The following PLCL2 variants were observed in gnomAD, a reference collection of about 807,000 sequenced individuals.
PLCL2 encodes the protein inactive phospholipase C-like protein 2.
Under a neutral mutation model 79.6 loss-of-function variants are expected in PLCL2, and 4 were observed. The ratio of observed to expected loss-of-function variants is 0.05; its 90% CI spans 0.02 to 0.11. PLCL2 has a LOEUF of 0.11. PLCL2 is among the 10% of genes least tolerant of loss of function. The pLI is 1.00. For missense variants in PLCL2, 895 were observed against 1,291.0 expected (o/e 0.69, Z 4.70); for synonymous variants, 484 against 457.7 (o/e 1.06, Z -0.73).
intron 1 of PLCL2, among the ~76,000 whole-genome samples, chr3:16,998,800 C>T (rs2064179176): frequency 6.6e-6 from 1 of 152,140 alleles, no homozygotes; most frequent in Non-Finnish European, 1.5e-5. Context: ...TAGAGATACC[C>T]TTGTTTTAAA....
chr3:16,955,429 A>G (rs1032827552), intron 1 of PLCL2, among the ~76,000 whole-genome samples: 5 of 151,986 alleles, frequency 3.3e-5, no homozygotes, highest in African/African-American at 4.8e-5. Context: ...TGGTTACTGT[A>G]GCCTTATAGT....
chr3:16,916,288 T>G (rs940208345), intron 1 of PLCL2, among the ~76,000 whole-genome samples: 5 of 152,202 alleles, frequency 3.3e-5, no homozygotes, highest in African/African-American at 1.2e-4. Context: ...TCACTTATTT[T>G]GTTTAAAAAA....
At chr3:17,069,396 A>G (rs1169397177) in intron 5 of PLCL2, among the ~76,000 whole-genome samples, 6 of 152,148 alleles carry the variant, frequency 3.9e-5, no homozygotes, top group African/African-American at 1.4e-4. Context: ...TCTCTGGTTA[A>G]TGAAATTTCA....
chr3:17,073,726 G>T (rs2124947848), intron 5 of PLCL2, among the ~76,000 whole-genome samples: 1 of 152,294 alleles, frequency 6.6e-6, no homozygotes, highest in African/African-American at 2.4e-5. Context: ...AATGTTCACA[G>T]CATCTTCACC....
intron 1 of PLCL2, among the ~76,000 whole-genome samples, chr3:16,985,806 G>C (rs2064044047): frequency 6.6e-6 from 1 of 152,158 alleles, no homozygotes; most frequent in African/African-American, 2.4e-5. Flanking sequence ...GCATGGGATA[G>C]TGCACAGTTG....
intron 1 of PLCL2, among the ~76,000 whole-genome samples, chr3:17,007,694 G>T (rs1032834709): frequency 6.6e-6 from 1 of 152,162 alleles, no homozygotes; most frequent in Non-Finnish European, 1.5e-5. Context: ...AGTAAAAGTG[G>T]TTTTAAATTT....
intron 1 of PLCL2, among the ~76,000 whole-genome samples, chr3:16,916,419 T>C (rs1575527148): frequency 6.6e-6 from 1 of 152,106 alleles, no homozygotes; most frequent in East Asian, 1.9e-4. Context: ...AATAAGAAAA[T>C]GGCCCATAGC....
At chr3:16,959,636 G>T (rs780143265) in intron 1 of PLCL2, among the ~76,000 whole-genome samples, 1 of 152,100 alleles carries the variant, frequency 6.6e-6, no homozygotes, top group South Asian at 2.1e-4. Flanking sequence ...GTTCCCCCTT[G>T]GAGAGTTCTC....
Position 17,090,448 on chromosome 3 carries a change from A to G in PLCL2, c.*536A>G, listed in dbSNP as rs1168964166. On this transcript the variant is annotated 3_prime_UTR_variant, in exon 6 of 6. Coordinates refer to ENST00000615277, the MANE Select transcript of PLCL2 (RefSeq NM_001144382.2). Reference sequence around the variant, plus strand: ...GGAGAGCCATCGAGGAGAATGTGCAATTGGACTGAAGCTCCCTGGCTGAAG... The same window carrying G: ...GGAGAGCCATCGAGGAGAATGTGCAGTTGGACTGAAGCTCCCTGGCTGAAG... The G allele has an allele frequency of 1.2e-5, 2 of 165,956 alleles. No individual in the cohort carries two copies. Among genetic ancestry groups the G allele is most frequent in the Non-Finnish European group, 2.5e-5 (2 of 80,262 alleles). 10.3% of individuals were successfully genotyped at this position (165,956 alleles called of 1,614,324 possible). A position where few individuals can be genotyped will look rare whatever the true frequency, so the allele number is the denominator to read the frequency against.
chr3:17,089,846 T>C lies in PLCL2; in HGVS notation c.3318T>C (p.Asp1106=). ...ATAAACCAGGCACCGAAAATGCTGA[T>C]GTCCAGAAGCCACGCCGGAGCTTGG... ...GLNKPGTENA[D]VQKPRRSLEV... The change falls in exon 6 of 6, where the codon GAT becomes GAC. Residue 1106 remains aspartate (D), a synonymous_variant. Transcript: ENST00000615277. 2.5e-6 allele frequency: 4 copies of C among 1,614,124 alleles called. No individual in the cohort carries two copies. Among genetic ancestry groups the C allele is most frequent in the Middle Eastern group, 1.6e-4 (1 of 6,062 alleles).
In PLCL2 at chr3:16,953,617, AT is replaced by A. The variant is rs2063672604; in HGVS notation, c.328-56054del. Among the ~76,000 whole-genome samples, 4 of 152,280 alleles carry A rather than the reference AT, an allele frequency of 2.6e-5. No individual in the cohort carries two copies. In the South Asian group the frequency reaches 8.3e-4, roughly 32 times the overall value. ...GAAGTCAAATGGTTGGAATTTAGTC[AT>A]TTCTGACTTCAGTGAACTAATGCTG... On this transcript the variant is annotated intron_variant, in intron 1 of 5. Coordinates refer to ENST00000615277, the MANE Select transcript of PLCL2 (RefSeq NM_001144382.2).
chr3:16,918,705 G>A (rs1321910560), intron 1 of PLCL2, among the ~76,000 whole-genome samples: 1 of 152,168 alleles, frequency 6.6e-6, no homozygotes, highest in Non-Finnish European at 1.5e-5. Flanking sequence ...CCAGTATAAT[G>A]ACCTGGGCAA....
chr3:17,023,798 A>G (rs57315057), intron 3 of PLCL2, among the ~76,000 whole-genome samples: 1 of 152,186 alleles, frequency 6.6e-6, no homozygotes, highest in Non-Finnish European at 1.5e-5. Context: ...TTTAAAACTG[A>G]CAAATGTCTC....
At chr3:16,902,881 T>TGTGTGTGTGTGTGCGC (rs1272936432) in intron 1 of PLCL2, among the ~76,000 whole-genome samples, 8 of 133,900 alleles carry the variant, frequency 6.0e-5, no homozygotes, top group South Asian at 2.5e-4. Flanking sequence ...TGTGTGTGTG[T>TGTGTGTGTGTGTGCGC]GNGCGCATGT....
chr3:17,049,617 TAAA>T (rs2124927176), intron 4 of PLCL2, among the ~76,000 whole-genome samples: 1 of 152,208 alleles, frequency 6.6e-6, no homozygotes, highest in Non-Finnish European at 1.5e-5. Flanking sequence ...GGAATTAACT[TAAA>T]GAAGTGAAAC....
At chr3:16,920,929 T>C (rs934050528) in intron 1 of PLCL2, among the ~76,000 whole-genome samples, 5 of 152,214 alleles carry the variant, frequency 3.3e-5, no homozygotes, top group African/African-American at 9.6e-5. Flanking sequence ...TTTGGTGTGG[T>C]AATGGCCATT....
chr3:16,980,420 G>A (rs7642666), intron 1 of PLCL2, among the ~76,000 whole-genome samples: 19,489 of 147,814 alleles, frequency 0.13, 1,543 homozygotes, highest in African/African-American at 0.22. Context: ...CTTCTCAGAC[G>A]GGGCGGTTGC....
intron 5 of PLCL2, among the ~76,000 whole-genome samples, chr3:17,089,017 A>T (rs995741506): frequency 6.6e-6 from 1 of 152,206 alleles, no homozygotes; most frequent in Admixed American, 6.5e-5. Flanking sequence ...CTCAGTGAGG[A>T]CCTGCTGCGT....
intron 1 of PLCL2, among the ~76,000 whole-genome samples, chr3:16,996,478 A>G (rs1471764278): frequency 2.0e-5 from 3 of 152,178 alleles, no homozygotes; most frequent in Admixed American, 2.0e-4. Context: ...ATTGTTGAAT[A>G]CATAGTAACT....
Sources: allele counts gnomAD v4.1 joint callset (sites outside exome capture counted in the v4.1 genomes callset), GRCh38; gene constraint gnomAD v4.1.1; transcripts MANE v1.5; gene names NCBI Gene and HGNC (gene_info 2026-07-23, HGNC 2026-07-21).